Variants in PTPN13 observed in about 807,000 individuals in gnomAD.
The protein encoded by PTPN13 is tyrosine-protein phosphatase non-receptor type 13.
A neutral mutation model predicts 284.0 loss-of-function variants in PTPN13; 191 were observed. The observed-to-expected ratio is 0.67, with a 90% CI of 0.60 to 0.76. The LOEUF (loss-of-function observed/expected upper bound fraction) is 0.76. PTPN13 is among the 30% of genes least tolerant of loss of function. The pLI is 0.00. For missense variants in PTPN13, 2,797 were observed against 2,939.9 expected, an observed-to-expected ratio of 0.95 and a Z score of 1.12; for synonymous variants, 986 against 1,022.3, an observed-to-expected ratio of 0.96 and a Z score of 0.68.
chr4:86,742,468 G>A (rs1736268548), intron 16 of PTPN13, among the ~76,000 whole-genome samples: 1 of 152,130 alleles, frequency 6.6e-6, no homozygotes, highest in Admixed American at 6.5e-5. Flanking sequence ...AATATGTTCA[G>A]GTGTTTGTTT....
At chr4:86,604,272 A>G (rs1764559629) in intron 1 of PTPN13, among the ~76,000 whole-genome samples, 2 of 152,038 alleles carry the variant, frequency 1.3e-5, no homozygotes. Flanking sequence ...ATATCTCAAA[A>G]GGTTTTGTAA....
chr4:86,788,527 A>G (rs2149328242), intron 40 of PTPN13, among the ~76,000 whole-genome samples: 1 of 152,326 alleles, frequency 6.6e-6, no homozygotes, highest in South Asian at 2.1e-4. Context: ...TACAGAAGAA[A>G]GATTATACCT....
rs1578747106 is a variant in PTPN13 at position 86,814,915 on chromosome 4, T to C, written c.*364T>C. ...TTCCAATATTTTAATAAAGTAGTTA[T>C]TTTATAGGGGATACTTGAAACCAGT... On this transcript the variant is annotated 3_prime_UTR_variant, in exon 48 of 48. Transcript: ENST00000411767. 1 of 164,024 alleles carries C rather than the reference T, an allele frequency of 6.1e-6. No individual in the cohort carries two copies. Among genetic ancestry groups the C allele is most frequent in the East Asian group, 1.7e-4 (1 of 5,996 alleles). 10.2% of individuals were successfully genotyped at this position (164,024 alleles called of 1,614,324 possible). A position where few individuals can be genotyped will look rare whatever the true frequency, so the allele number is the denominator to read the frequency against.
chr4:86,761,139 A>ATATATATATAT (rs1738622051), intron 23 of PTPN13, among the ~76,000 whole-genome samples: 4 of 120,694 alleles, frequency 3.3e-5, no homozygotes, highest in South Asian at 2.7e-4. Context: ...TGTGTGTGTA[A>ATATATATATAT]ATATATATAT....
chr4:86,634,441 G>A (rs988911668), intron 1 of PTPN13, among the ~76,000 whole-genome samples: 12 of 152,106 alleles, frequency 7.9e-5, no homozygotes, highest in African/African-American at 2.9e-4. Flanking sequence ...AGTTTTATCA[G>A]TATATCATCA....
chr4:86,797,483 C>T (rs982498893), intron 41 of PTPN13, among the ~76,000 whole-genome samples: 1 of 151,272 alleles, frequency 6.6e-6, no homozygotes, highest in Non-Finnish European at 1.5e-5. Context: ...CAGAGCAAGA[C>T]TCTGTCTCAA....
intron 20 of PTPN13, 92 bp downstream of exon 20, chr4:86,753,157 C>A: frequency 1.1e-6 from 1 of 903,170 alleles, no homozygotes; most frequent in South Asian, 2.1e-5. Context: ...GTCTTGAGTT[C>A]CATGCCTAGG....
At chr4:86,775,390 A>G in intron 34 of PTPN13, 48 bp downstream of exon 34, 1 of 1,600,974 alleles carries the variant, frequency 6.2e-7, no homozygotes, top group Non-Finnish European at 8.6e-7. Context: ...TGGTTAGCTT[A>G]AGAGTAAGTA....
intron 6 of PTPN13, 123 bp downstream of exon 6, chr4:86,693,797 A>C (rs560153089): frequency 1.8e-6 from 1 of 569,166 alleles, no homozygotes; most frequent in East Asian, 2.9e-5. Flanking sequence ...GTAAACGTAC[A>C]AACTGGAGGT....
At chr4:86,707,344 T>A in intron 7 of PTPN13, among the ~76,000 whole-genome samples, 1 of 152,240 alleles carries the variant, frequency 6.6e-6, no homozygotes, top group Admixed American at 6.5e-5. Context: ...AATATTGTTT[T>A]CTTCCTTCTA....
In PTPN13 at chr4:86,814,606, T is replaced by C; in HGVS notation, c.*55T>C. On this transcript the variant is annotated 3_prime_UTR_variant, in exon 48 of 48. Coordinates refer to ENST00000411767, the MANE Select transcript of PTPN13 (RefSeq NM_080683.3). ...TTTCTCTCCTTAACCTCCAGCAGAC[T>C]CCTGCTCTCTATCCAAAATAAAGAT... 11 of 1,367,666 alleles carry C rather than the reference T, an allele frequency of 8.0e-6. No homozygotes were observed. The highest frequency in any genetic ancestry group is 1.1e-5 in the Non-Finnish European group (11 of 965,436). 84.7% of individuals were successfully genotyped at this position (1,367,666 alleles called of 1,614,324 possible). A position where few individuals can be genotyped will look rare whatever the true frequency, so the allele number is the denominator to read the frequency against.
intron 10 of PTPN13, among the ~76,000 whole-genome samples, chr4:86,728,643 CTTTTTTTTTTTTTTTTTTTTTT>C (rs57773658): frequency 8.2e-5 from 2 of 24,500 alleles, no homozygotes; most frequent in Non-Finnish European, 1.5e-4. Flanking sequence ...CAACCCCTGC[CTTTTTTTTTTTTTTTTTTTTTT>C]TTTTTTTTTT....
intron 16 of PTPN13, 85 bp from the exon 17 acceptor site, chr4:86,744,881 G>A: frequency 1.0e-6 from 1 of 997,700 alleles, no homozygotes; most frequent in Non-Finnish European, 1.5e-6. Flanking sequence ...CATATTAGAT[G>A]TAAGTCAATA....
At chr4:86,630,277 A>G (rs1298245151) in intron 1 of PTPN13, among the ~76,000 whole-genome samples, 1 of 152,140 alleles carries the variant, frequency 6.6e-6, no homozygotes, top group Non-Finnish European at 1.5e-5. Context: ...AAGTACCCAA[A>G]TAAGTCTTCT....
At chr4:86,704,618 C>CATCATTTCCAGATTTAGAAATTTCGT (rs1335127402) in intron 7 of PTPN13, among the ~76,000 whole-genome samples, 1 of 152,120 alleles carries the variant, frequency 6.6e-6, no homozygotes, top group East Asian at 1.9e-4. Context: ...GTATTTGATA[C>CATCATTTCCAGATTTAGAAATTTCGT]ATCATTTCCA....
intron 9 of PTPN13, among the ~76,000 whole-genome samples, chr4:86,720,141 A>G (rs1733494547): frequency 6.6e-6 from 1 of 152,194 alleles, no homozygotes; most frequent in Admixed American, 6.5e-5. Context: ...TGAAATAGAG[A>G]TAACACCTGA....
intron 1 of PTPN13, among the ~76,000 whole-genome samples, chr4:86,621,390 G>A (rs759646606): frequency 6.6e-5 from 10 of 152,106 alleles, no homozygotes; most frequent in Non-Finnish European, 1.3e-4. Flanking sequence ...AAAGATAGCC[G>A]ACTTTCTTAT....
At chr4:86,794,223 A>G (rs1412471113) in intron 40 of PTPN13, among the ~76,000 whole-genome samples, 1 of 152,138 alleles carries the variant, frequency 6.6e-6, no homozygotes, top group Non-Finnish European at 1.5e-5. Context: ...TACAAAATCA[A>G]TGTGCAAAAA....
chr4:86,790,979 C>T (rs1308758607), intron 40 of PTPN13, among the ~76,000 whole-genome samples: 1 of 152,082 alleles, frequency 6.6e-6, no homozygotes, highest in Non-Finnish European at 1.5e-5. Flanking sequence ...TGGTTCATCT[C>T]AATGGGACTC....
Sources: allele counts gnomAD v4.1 joint callset (sites outside exome capture counted in the v4.1 genomes callset), GRCh38; gene constraint gnomAD v4.1.1; transcripts MANE v1.5; gene names NCBI Gene and HGNC (gene_info 2026-07-23, HGNC 2026-07-21).